Variants in COL13A1 observed in about 807,000 individuals in gnomAD.
COL13A1 encodes the protein collagen alpha-1(XIII) chain.
In COL13A1, 89 loss-of-function variants were observed where a neutral mutation model predicts 130.9. The observed-to-expected ratio is 0.68, with a 90% CI of 0.57 to 0.81. The LOEUF (loss-of-function observed/expected upper bound fraction) is 0.81. COL13A1 is among the 30% of genes least tolerant of loss of function. COL13A1 has a pLI of 0.00. For synonymous variants in COL13A1, 402 were observed against 341.6 expected, an observed-to-expected ratio of 1.18 and a Z score of -1.95; for missense variants, 879 against 934.6, an observed-to-expected ratio of 0.94 and a Z score of 0.78.
chr10:69,898,727 G>C lies in COL13A1; in HGVS notation c.715G>C (p.Ala239Pro). 1.2e-6 allele frequency: 2 copies of C among 1,613,404 alleles called. No individual in the cohort carries two copies. Among genetic ancestry groups the C allele is most frequent in the Non-Finnish European group, 1.7e-6 (2 of 1,179,638 alleles). The change falls in exon 14 of 41, where the codon GCT (alanine) becomes CCT (proline). Residue 239 changes from alanine (A) to proline (P), a missense_variant. By Grantham distance (27) the Ala-to-Pro change is conservative. Transcript: ENST00000645393. ...GCCTCTCCTCAATTCAGTGCGACTG[G>C]CTCCACCCCCGGTCATAAAAAGGCG... ...LLPLLNSVRLAPPPVIKRRTF... is the reference protein window; with the variant it reads ...LLPLLNSVRLPPPPVIKRRTF...
chr10:69,815,874 T>G (rs537923304), intron 1 of COL13A1, among the ~76,000 whole-genome samples: 2 of 111,018 alleles, frequency 1.8e-5, no homozygotes, highest in South Asian at 3.4e-4. Context: ...AGACAATAAG[T>G]AAGAAAAATA....
intron 40 of COL13A1, among the ~76,000 whole-genome samples, chr10:69,957,626 T>TG (rs1359561540): frequency 6.6e-6 from 1 of 152,252 alleles, no homozygotes; most frequent in Non-Finnish European, 1.5e-5. Flanking sequence ...CATTTGCCAT[T>TG]GTTAGAGCAG....
intron 1 of COL13A1, among the ~76,000 whole-genome samples, chr10:69,818,642 G>A (rs1022835792): frequency 2.0e-5 from 3 of 152,354 alleles, no homozygotes; most frequent in Admixed American, 6.5e-5. Flanking sequence ...AGAGCCAGGA[G>A]AGCCAATGGT....
intron 2 of COL13A1, among the ~76,000 whole-genome samples, chr10:69,824,538 C>T (rs1351580468): frequency 6.6e-6 from 1 of 152,174 alleles, no homozygotes. Flanking sequence ...TGGAAGAGTG[C>T]TTCTCTTCTC....
intron 28 of COL13A1, 140 bp from the exon 29 acceptor site, chr10:69,929,903 T>A: frequency 1.4e-6 from 1 of 718,704 alleles, no homozygotes; most frequent in Non-Finnish European, 2.4e-6. Context: ...AATTCATACC[T>A]CCCAGCAACA....
intron 12 of COL13A1, among the ~76,000 whole-genome samples, 187 bp downstream of exon 12, chr10:69,894,888 G>A (rs1487991439): frequency 1.3e-5 from 2 of 152,162 alleles, no homozygotes; most frequent in Non-Finnish European, 2.9e-5. Flanking sequence ...TGGAGTGAGG[G>A]GTCCTCCTGG....
chr10:69,897,620 GC>G, intron 13 of COL13A1: 1 of 1,440,856 alleles, frequency 6.9e-7, no homozygotes, highest in Non-Finnish European at 9.6e-7. Flanking sequence ...CCAGGCCCCG[GC>G]AGTGGGAGCG....
chr10:69,952,384 T>C (rs1264986072), intron 38 of COL13A1, among the ~76,000 whole-genome samples: 1 of 152,246 alleles, frequency 6.6e-6, no homozygotes, highest in Admixed American at 6.5e-5. Context: ...CAAGCACATA[T>C]ATGCATACAC....
rs1242545413 is a variant in COL13A1, at chr10:69,897,584, A to G, written c.685-1113A>G. ...CCCCTCTCCACTGAGAGGCTTCCTGAACATACAGCCCAACATTGCACATCC... is the reference window on the plus strand; with the variant it reads ...CCCCTCTCCACTGAGAGGCTTCCTGGACATACAGCCCAACATTGCACATCC... On this transcript the variant is annotated intron_variant, in intron 13 of 40. Transcript: ENST00000645393. The G allele has an allele frequency of 6.9e-6, 11 of 1,591,296 alleles. 1 individual carries two copies. The Admixed American group carries it at 8.4e-5, about 12-fold the overall frequency.
intron 32 of COL13A1, 71 bp from the exon 33 acceptor site, chr10:69,936,685 C>A: frequency 6.3e-7 from 1 of 1,579,060 alleles, no homozygotes; most frequent in Non-Finnish European, 8.7e-7. Context: ...TTCTGTGATC[C>A]ATTTGTGGAC....
intron 7 of COL13A1, among the ~76,000 whole-genome samples, chr10:69,881,643 A>T (rs1425455093): frequency 6.6e-6 from 1 of 152,206 alleles, no homozygotes; most frequent in Non-Finnish European, 1.5e-5. Context: ...GCTGGGTCGG[A>T]GGCAGAACTT....
intron 2 of COL13A1, among the ~76,000 whole-genome samples, chr10:69,827,323 A>G (rs1847731889): frequency 6.6e-6 from 1 of 152,144 alleles, no homozygotes; most frequent in Non-Finnish European, 1.5e-5. Context: ...TTTCATCCAG[A>G]GGGTGATTGA....
At chr10:69,848,829 A>G (rs7903513) in intron 2 of COL13A1, among the ~76,000 whole-genome samples, 1 of 152,200 alleles carries the variant, frequency 6.6e-6, no homozygotes, top group Non-Finnish European at 1.5e-5. Context: ...AGGGCCTAAG[A>G]GTCCCCTCCA....
intron 1 of COL13A1, 52 bp from the exon 2 acceptor site, chr10:69,822,317 G>A: frequency 3.5e-6 from 5 of 1,430,820 alleles, no homozygotes; most frequent in Non-Finnish European, 4.7e-6. Flanking sequence ...GCTTTCCAGG[G>A]CTTGGTGTCT....
chr10:69,854,963 A>C (rs1228076117), intron 2 of COL13A1, among the ~76,000 whole-genome samples: 5 of 152,154 alleles, frequency 3.3e-5, no homozygotes, highest in Non-Finnish European at 5.9e-5. Context: ...CCCGTTCTCC[A>C]GGCTGTGTGC....
intron 2 of COL13A1, among the ~76,000 whole-genome samples, chr10:69,823,310 G>C (rs1846599292): frequency 1.3e-5 from 2 of 152,242 alleles, no homozygotes. Flanking sequence ...GAGAGTGACA[G>C]ATGAGGAAGT....
chr10:69,859,941 AGAAG>A (rs1857498463), intron 2 of COL13A1, among the ~76,000 whole-genome samples: 1 of 152,218 alleles, frequency 6.6e-6, no homozygotes, highest in Non-Finnish European at 1.5e-5. Context: ...CAAAGCCCTG[AGAAG>A]GAAGAAGGAC....
At chr10:69,933,940 G>A (rs932110244) in intron 31 of COL13A1, among the ~76,000 whole-genome samples, 6 of 151,972 alleles carry the variant, frequency 3.9e-5, no homozygotes, top group African/African-American at 1.5e-4. Flanking sequence ...GGAAGCTGGT[G>A]GCGAACATAT....
chr10:69,919,108 G>A lies in COL13A1; in HGVS notation c.1026+20G>A. On this transcript the variant is annotated intron_variant, in intron 20 of 40. Transcript: ENST00000645393. The stretch of plus-strand genomic sequence containing the variant: ...ACCAAGGTACTGATGCAGAGAGAAT[G>A]TTCCGGGCTGCACAGAGCATCGGTC... The A allele has an allele frequency of 3.1e-6, 5 of 1,613,970 alleles. No homozygotes were observed. Among genetic ancestry groups the A allele is most frequent in the Non-Finnish European group, 4.2e-6 (5 of 1,179,838 alleles).
Sources: gnomAD v4.1 joint callset for allele counts (sites outside exome capture counted in the v4.1 genomes callset) on GRCh38, gnomAD v4.1.1 for gene constraint, MANE v1.5 for transcripts, NCBI Gene and HGNC (gene_info 2026-07-23, HGNC 2026-07-21) for gene names.